Variants in ZC3HAV1L observed in about 807,000 individuals in gnomAD.
The protein encoded by ZC3HAV1L is ZC3HAV1 like.
Under a neutral mutation model 28.2 loss-of-function variants are expected in ZC3HAV1L, and 23 were observed. The ratio of observed to expected loss-of-function variants is 0.82; its 90% confidence interval spans 0.59 to 1.16. The LOEUF is 1.16. Among genes scored for constraint, ZC3HAV1L ranks in the 50% most tolerant of loss-of-function variants. ZC3HAV1L has a pLI of 0.00. For missense variants in ZC3HAV1L, 376 were observed against 387.7 expected (o/e 0.97, Z 0.25); for synonymous variants, 180 against 163.4 (o/e 1.10, Z -0.78).
downstream of ZC3HAV1L, among the ~76,000 whole-genome samples, chr7:139,023,336 C>T (rs887979358): frequency 6.6e-6 from 1 of 152,144 alleles, no homozygotes; most frequent in African/African-American, 2.4e-5. Context: ...GAACATTTCT[C>T]ATAACAATCT....
At chr7:139,029,365 G>A (rs751837640) in intron 2 of ZC3HAV1L, among the ~76,000 whole-genome samples, 5 of 152,208 alleles carry the variant, frequency 3.3e-5, no homozygotes, top group South Asian at 2.1e-4. Flanking sequence ...CTAAACTGAA[G>A]ACTAAATGAC....
chr7:139,032,607 A>G (rs781410761), intron 2 of ZC3HAV1L, among the ~76,000 whole-genome samples: 2 of 151,510 alleles, frequency 1.3e-5, no homozygotes, highest in Non-Finnish European at 2.9e-5. Context: ...TGGGTGATAG[A>G]GTGAGACTCC....
In ZC3HAV1L at chr7:139,028,887, T is replaced by A. The variant is rs1815438051; in HGVS notation, c.575A>T (p.His192Leu). The change falls in exon 3 of 5, where the codon CAT (histidine) becomes CTT (leucine). Residue 192 changes from histidine (H) to leucine (L), a missense_variant. Transcript: ENST00000275766. The stretch of plus-strand genomic sequence containing the variant: ...TCCTTTCACAAAGGATTTGCACACA[T>A]GAAACTTGTTGCATTTATCCTTGAG... ...CNLKDKCNKF[H>L]VCKSFVKGEC... 2 of 1,614,124 alleles carry A rather than the reference T, an allele frequency of 1.2e-6. No individual in the cohort carries two copies. The highest frequency in any genetic ancestry group is 1.3e-5 in the African/African-American group (1 of 74,940).
At chr7:139,032,116 T>G (rs1267017903) in intron 2 of ZC3HAV1L, among the ~76,000 whole-genome samples, 1 of 150,878 alleles carries the variant, frequency 6.6e-6, no homozygotes, top group African/African-American at 2.4e-5. Flanking sequence ...TAAATAAACT[T>G]TAAAAATGAA....
intron 3 of ZC3HAV1L, among the ~76,000 whole-genome samples, chr7:139,028,202 G>A (rs1210233309): frequency 6.6e-6 from 1 of 151,786 alleles, no homozygotes; most frequent in Non-Finnish European, 1.5e-5. Context: ...GTGAAACCCC[G>A]CCTCGACTAA....
intron 2 of ZC3HAV1L, among the ~76,000 whole-genome samples, chr7:139,033,044 C>A (rs1815582671): frequency 6.6e-6 from 1 of 152,066 alleles, no homozygotes; most frequent in African/African-American, 2.4e-5. Context: ...GCTATCTCTA[C>A]CAAAAAGTAC....
chr7:139,034,376 G>A (rs543691533), intron 2 of ZC3HAV1L, among the ~76,000 whole-genome samples, 167 bp downstream of exon 2: 2 of 152,266 alleles, frequency 1.3e-5, no homozygotes, highest in South Asian at 2.1e-4. Flanking sequence ...TGAAACAAAC[G>A]TACTATTTCG....
At chr7:139,034,006 CT>C (rs1815616398) in intron 2 of ZC3HAV1L, 1 of 985,276 alleles carries the variant, frequency 1.0e-6, no homozygotes. Flanking sequence ...AAGAAACCTG[CT>C]TGTTCCTGAG....
At chr7:139,025,000 GGGA>G (rs1191121740), downstream of ZC3HAV1L, among the ~76,000 whole-genome samples, 2 of 152,088 alleles carry the variant, frequency 1.3e-5, no homozygotes, top group Non-Finnish European at 2.9e-5. Context: ...CAGGGAGGAA[GGGA>G]GAAGGGAGAA....
intron 2 of ZC3HAV1L, among the ~76,000 whole-genome samples, chr7:139,031,659 C>T (rs961010466): frequency 6.6e-6 from 1 of 152,102 alleles, no homozygotes; most frequent in Non-Finnish European, 1.5e-5. Flanking sequence ...TATCCCAGCA[C>T]TTTGGGAGGC....
intron 2 of ZC3HAV1L, among the ~76,000 whole-genome samples, chr7:139,030,774 A>G (rs10234760): frequency 0.46 from 68,805 of 150,642 alleles, 16,089 homozygotes; most frequent in Non-Finnish European, 0.5. Context: ...AGCCGAGATC[A>G]CGCCACTGCA....
In ZC3HAV1L at chr7:139,026,774, C is replaced by A; in HGVS notation, c.820G>T (p.Ala274Ser). The A allele has an allele frequency of 6.2e-7, 1 of 1,614,210 alleles. No individual in the cohort carries two copies. Among genetic ancestry groups the A allele is most frequent in the Non-Finnish European group, 8.5e-7 (1 of 1,180,032 alleles). ...QGLEKQGVHA[A>S]GAAEAGPLAS... ...AGAGGACCAGCTTCTGCAGCTCCAG[C>A]TGCGTGCACTCCTTGCTTCTCAAGG... Residue 274 changes from alanine (A) to serine (S), a missense_variant, in exon 4 of 5, where the codon GCT (alanine) becomes TCT (serine). Physicochemically the swap from Ala to Ser is moderately conservative, Grantham distance 99. Coordinates refer to ENST00000275766, the MANE Select transcript of ZC3HAV1L (RefSeq NM_080660.4).
At chr7:139,030,856 A>T (rs1815511467) in intron 2 of ZC3HAV1L, among the ~76,000 whole-genome samples, 1 of 151,260 alleles carries the variant, frequency 6.6e-6, no homozygotes. Flanking sequence ...TTAATTAATT[A>T]AATAAAGTGA....
intron 3 of ZC3HAV1L, among the ~76,000 whole-genome samples, chr7:139,027,929 A>G (rs74446073): frequency 0.019 from 2,880 of 152,264 alleles, 74 homozygotes; most frequent in African/African-American, 0.065. Context: ...TCCAGTTGCT[A>G]TTTTCCAAAT....
downstream of ZC3HAV1L, among the ~76,000 whole-genome samples, chr7:139,021,648 T>C (rs1815249900): frequency 6.6e-6 from 1 of 152,058 alleles, no homozygotes; most frequent in African/African-American, 2.4e-5. Context: ...ATTATAATCA[T>C]ATTAGGCAAT....
intron 1 of ZC3HAV1L, 86 bp downstream of exon 1, chr7:139,035,567 C>T: frequency 9.0e-6 from 12 of 1,339,390 alleles, no homozygotes; most frequent in Non-Finnish European, 1.1e-5. Context: ...CAGGACGAAG[C>T]CCCCCTTCCC....
At chr7:139,030,366 A>G (rs944029059) in intron 2 of ZC3HAV1L, among the ~76,000 whole-genome samples, 2 of 152,020 alleles carry the variant, frequency 1.3e-5, no homozygotes, top group Non-Finnish European at 2.9e-5. Flanking sequence ...AATTACATGA[A>G]CCGGGGAGGT....
At position 139,028,112 on chromosome 7, in the gene ZC3HAV1L, T is replaced by C. The variant is rs113865575; in HGVS notation, c.760+590A>G. 4.6e-3 allele frequency among the ~76,000 whole-genome samples: 701 copies of C among 152,246 alleles called. 3 individuals carry two copies. Among genetic ancestry groups the C allele is most frequent in the African/African-American group, 0.016 (669 of 41,544 alleles). On this transcript the variant is annotated intron_variant, in intron 3 of 4. Transcript: ENST00000275766. The stretch of plus-strand genomic sequence containing the variant: ...TCTACTAGGCCGGGCGTGTGGCTCA[T>C]GCCTGAAATCCCAGCACTTTGGGAG...
chr7:139,024,575 A>G (rs1584815298), downstream of ZC3HAV1L, among the ~76,000 whole-genome samples: 1 of 152,336 alleles, frequency 6.6e-6, no homozygotes, highest in East Asian at 1.9e-4. Flanking sequence ...CAAAATATGC[A>G]GAGCATAAGG....
Sources: gnomAD v4.1 joint callset for allele counts (sites outside exome capture counted in the v4.1 genomes callset) on GRCh38, gnomAD v4.1.1 for gene constraint, MANE v1.5 for transcripts, NCBI Gene and HGNC (gene_info 2026-07-23, HGNC 2026-07-21) for gene names.